The following SDK1 variants were observed in gnomAD, a reference collection of about 807,000 sequenced individuals.
SDK1 encodes sidekick cell adhesion molecule 1, also known as protein sidekick-1.
In SDK1, 157 loss-of-function variants were observed where a neutral mutation model predicts 245.5. That is an observed-to-expected ratio of 0.64 (90% CI 0.56 to 0.73). The LOEUF (loss-of-function observed/expected upper bound fraction) is 0.73. Among genes scored for constraint, SDK1 ranks in the 30% least tolerant of loss-of-function variants. SDK1 has a pLI of 0.00. For synonymous variants in SDK1, 1,647 were observed against 1,278.5 expected (o/e 1.29, Z -6.15); for missense variants, 3,583 against 3,002.3 (o/e 1.19, Z -4.52).
At chr7:3,678,238 A>C (rs1481099684) in intron 4 of SDK1, among the ~76,000 whole-genome samples, 1 of 152,244 alleles carries the variant, frequency 6.6e-6, no homozygotes, top group Non-Finnish European at 1.5e-5. Context: ...AGAAAGTTAA[A>C]AATACAATTA....
At chr7:3,751,394 A>C (rs2115064713) in intron 4 of SDK1, among the ~76,000 whole-genome samples, 1 of 141,874 alleles carries the variant, frequency 7.0e-6, no homozygotes, top group East Asian at 2.2e-4. Context: ...GATGCTGCCT[A>C]TGGCAAACTA....
At chr7:3,374,454 A>G (rs867502519) in intron 1 of SDK1, among the ~76,000 whole-genome samples, 28 of 152,182 alleles carry the variant, frequency 1.8e-4, no homozygotes, top group African/African-American at 6.3e-4. Flanking sequence ...CTGTAGTGTC[A>G]TAGCCAGTCA....
At chr7:3,377,632 C>G (rs931392034) in intron 1 of SDK1, among the ~76,000 whole-genome samples, 2 of 152,144 alleles carry the variant, frequency 1.3e-5, no homozygotes, top group African/African-American at 4.8e-5. Context: ...CTCTCTCAAG[C>G]CCTAATGTCC....
At chr7:3,464,967 G>A (rs890517402) in intron 1 of SDK1, among the ~76,000 whole-genome samples, 1 of 151,998 alleles carries the variant, frequency 6.6e-6, no homozygotes, top group African/African-American at 2.4e-5. Context: ...TTAAAATAAT[G>A]TACTTCGTGC....
At chr7:3,738,273 C>T (rs1414723171) in intron 4 of SDK1, among the ~76,000 whole-genome samples, 2 of 152,206 alleles carry the variant, frequency 1.3e-5, no homozygotes, top group African/African-American at 4.8e-5. Context: ...TGTGGATGTG[C>T]AGTTTTCCCA....
intron 5 of SDK1, among the ~76,000 whole-genome samples, chr7:3,919,182 C>G (rs1250348228): frequency 6.6e-6 from 1 of 152,212 alleles, no homozygotes; most frequent in Non-Finnish European, 1.5e-5. Flanking sequence ...ACAAACTGAA[C>G]AACTTAGAGT....
At chr7:3,469,915 G>C (rs1002850375) in intron 1 of SDK1, among the ~76,000 whole-genome samples, 2 of 152,086 alleles carry the variant, frequency 1.3e-5, no homozygotes, top group Non-Finnish European at 2.9e-5. Context: ...CTAGTCAATG[G>C]TTTCATCCTA....
intron 1 of SDK1, among the ~76,000 whole-genome samples, chr7:3,396,766 G>A (rs1471831078): frequency 6.6e-6 from 1 of 151,622 alleles, no homozygotes; most frequent in East Asian, 1.9e-4. Context: ...CTTCCAGACA[G>A]CATATGGTTG....
chr7:3,785,000 C>T (rs58319181), intron 4 of SDK1, among the ~76,000 whole-genome samples: 1,553 of 152,270 alleles, frequency 0.01, 24 homozygotes, highest in African/African-American at 0.035. Flanking sequence ...GGTACTTACA[C>T]GTAATGGAAT....
chr7:3,804,927 T>C (rs918588387), intron 4 of SDK1, among the ~76,000 whole-genome samples: 3 of 152,184 alleles, frequency 2.0e-5, no homozygotes, highest in African/African-American at 7.2e-5. Flanking sequence ...AAATTTTAGT[T>C]AGAAGGAATA....
At chr7:3,525,850 T>G (rs979241182) in intron 1 of SDK1, among the ~76,000 whole-genome samples, 2 of 152,200 alleles carry the variant, frequency 1.3e-5, no homozygotes, top group Admixed American at 1.3e-4. Flanking sequence ...CTTATTTAAT[T>G]TTGTTACTTA....
At chr7:3,380,469 A>G (rs930932529) in intron 1 of SDK1, among the ~76,000 whole-genome samples, 2 of 152,240 alleles carry the variant, frequency 1.3e-5, no homozygotes, top group African/African-American at 4.8e-5. Context: ...TCTGCAGAAT[A>G]GCACTTACAT....
chr7:3,539,524 A>G (rs533332224), intron 1 of SDK1, among the ~76,000 whole-genome samples: 60 of 152,198 alleles, frequency 3.9e-4, no homozygotes, highest in African/African-American at 9.9e-4. Flanking sequence ...AAAGTCCACT[A>G]TCAGAGAGAT....
intron 28 of SDK1, among the ~76,000 whole-genome samples, chr7:4,139,762 A>C (rs1035829214): frequency 2.0e-5 from 3 of 147,342 alleles, no homozygotes; most frequent in Non-Finnish European, 4.5e-5. Flanking sequence ...TGTGTGTATA[A>C]TCTTGAAAAG....
chr7:3,886,225 A>G (rs746345134), intron 5 of SDK1, among the ~76,000 whole-genome samples: 3 of 152,214 alleles, frequency 2.0e-5, no homozygotes, highest in Admixed American at 6.5e-5. Context: ...AGTGCTGCAC[A>G]TCGGGGATTC....
intron 1 of SDK1, among the ~76,000 whole-genome samples, chr7:3,530,288 G>T (rs897240652): frequency 6.6e-6 from 1 of 152,134 alleles, no homozygotes; most frequent in Admixed American, 6.5e-5. Flanking sequence ...TCTGATGCAA[G>T]AATATCATCT....
At chr7:3,642,228 G>GGAC in intron 4 of SDK1, 123 bp downstream of exon 4, 1 of 807,440 alleles carries the variant, frequency 1.2e-6, no homozygotes, top group Non-Finnish European at 1.9e-6. Context: ...TAGTCTAGGA[G>GGAC]TCCTATCCTA....
intron 22 of SDK1, among the ~76,000 whole-genome samples, chr7:4,109,422 G>A (rs1484233273): frequency 1.3e-5 from 2 of 152,162 alleles, no homozygotes; most frequent in Non-Finnish European, 2.9e-5. Context: ...CACCACCTTG[G>A]TTTCCTCTGC....
chr7:3,451,945 T>TA (rs1322468430), intron 1 of SDK1, among the ~76,000 whole-genome samples: 1 of 152,206 alleles, frequency 6.6e-6, no homozygotes, highest in Non-Finnish European at 1.5e-5. Context: ...CTTCTCTCCT[T>TA]ATGAGCTCTG....
Sources: allele counts gnomAD v4.1 joint callset (sites outside exome capture counted in the v4.1 genomes callset), GRCh38; gene constraint gnomAD v4.1.1; transcripts MANE v1.5; gene names NCBI Gene and HGNC (gene_info 2026-07-23, HGNC 2026-07-21).